Variants in KIAA0825 observed in about 807,000 individuals in gnomAD.
KIAA0825 encodes uncharacterized protein KIAA0825.
In KIAA0825, 119 loss-of-function variants were observed where a neutral mutation model predicts 147.6. The observed-to-expected ratio is 0.81, with a 90% CI of 0.69 to 0.94. KIAA0825 has a LOEUF of 0.94. Among genes scored for constraint, KIAA0825 ranks in the 40% least tolerant of loss-of-function variants. KIAA0825 has a pLI of 0.00. For synonymous variants in KIAA0825, 470 were observed against 518.1 expected (o/e 0.91, Z 1.26); for missense variants, 1,381 against 1,472.7 (o/e 0.94, Z 1.02).
intron 16 of KIAA0825, among the ~76,000 whole-genome samples, chr5:94,398,324 AT>A (rs1750940743): frequency 6.6e-6 from 1 of 152,148 alleles, no homozygotes; most frequent in African/African-American, 2.4e-5. Flanking sequence ...CTGTTATAAG[AT>A]CAGTCTCTTG....
chr5:94,236,410 G>A (rs1157149569), intron 20 of KIAA0825, among the ~76,000 whole-genome samples: 3 of 152,194 alleles, frequency 2.0e-5, no homozygotes, highest in East Asian at 3.8e-4. Flanking sequence ...TCATGATAAA[G>A]CTTGAAAAGA....
intron 20 of KIAA0825, among the ~76,000 whole-genome samples, chr5:94,354,196 T>C (rs11957184): frequency 1.2e-4 from 18 of 152,324 alleles, no homozygotes; most frequent in African/African-American, 3.8e-4. Flanking sequence ...CAGGAGAACA[T>C]TGGCCATATA....
intron 20 of KIAA0825, among the ~76,000 whole-genome samples, chr5:94,268,100 C>A (rs777059818): frequency 1.3e-5 from 2 of 151,944 alleles, no homozygotes; most frequent in African/African-American, 4.8e-5. Context: ...CAAGATTATT[C>A]GTTTAAAATT....
At position 94,471,744 on chromosome 5, in the gene KIAA0825, A is replaced by G; in HGVS notation, c.1456-13T>C. ...TGTCAGAACAAAACTAGGGAGAAAT[A>G]AATGTGGCACTGAGTTATTTGTATT... is the stretch of plus-strand genomic sequence containing the variant. On this transcript the variant is annotated splice_polypyrimidine_tract_variant and intron_variant, in intron 8 of 20. Coordinates refer to ENST00000682413, the MANE Select transcript of KIAA0825 (RefSeq NM_001145678.3). 5.2e-6 allele frequency: 8 copies of G among 1,551,714 alleles called. No homozygotes were observed. In the Middle Eastern group the frequency reaches 5.0e-4, roughly 97 times the overall value.
At chr5:94,238,942 A>G (rs967188496) in intron 20 of KIAA0825, among the ~76,000 whole-genome samples, 2 of 152,208 alleles carry the variant, frequency 1.3e-5, no homozygotes, top group Non-Finnish European at 2.9e-5. Flanking sequence ...TTGTGCCACT[A>G]TATAACATAA....
At chr5:94,190,491 ATTTTTTTTT>A (rs70975895) in intron 20 of KIAA0825, among the ~76,000 whole-genome samples, 9 of 106,276 alleles carry the variant, frequency 8.5e-5, no homozygotes, top group East Asian at 2.8e-4. Flanking sequence ...ACGCCCAGCT[ATTTTTTTTT>A]TTTTTTTTTT....
intron 20 of KIAA0825, among the ~76,000 whole-genome samples, chr5:94,299,990 T>C (rs1778315338): frequency 6.6e-6 from 1 of 152,052 alleles, no homozygotes; most frequent in Non-Finnish European, 1.5e-5. Flanking sequence ...GTTATATATA[T>C]ATAAATTTCC....
intron 20 of KIAA0825, among the ~76,000 whole-genome samples, chr5:94,272,889 G>T (rs1221762347): frequency 6.6e-6 from 1 of 152,214 alleles, no homozygotes; most frequent in Non-Finnish European, 1.5e-5. Flanking sequence ...ATAATTCATA[G>T]GAAAAGGCCT....
chr5:94,255,510 C>T (rs938615624), intron 20 of KIAA0825, among the ~76,000 whole-genome samples: 5 of 151,866 alleles, frequency 3.3e-5, no homozygotes, highest in East Asian at 3.9e-4. Context: ...AATGGAGATA[C>T]GGTGTTGTGT....
intron 14 of KIAA0825, 72 bp downstream of exon 14, chr5:94,439,910 G>T: frequency 6.9e-7 from 1 of 1,450,158 alleles, no homozygotes; most frequent in South Asian, 1.4e-5. Context: ...TGTTTGCCTA[G>T]GAAAAAAATG....
chr5:94,298,332 A>C (rs987032294), intron 20 of KIAA0825, among the ~76,000 whole-genome samples: 1 of 152,054 alleles, frequency 6.6e-6, no homozygotes, highest in African/African-American at 2.4e-5. Context: ...CTTAAATAGG[A>C]GCCTTAGACA....
chr5:94,345,369 T>C (rs1782871987), intron 20 of KIAA0825, among the ~76,000 whole-genome samples: 1 of 152,152 alleles, frequency 6.6e-6, no homozygotes. Context: ...TACATGTTCC[T>C]AGAAAGAAAA....
At chr5:94,213,307 A>G (rs1772902406) in intron 20 of KIAA0825, among the ~76,000 whole-genome samples, 1 of 152,150 alleles carries the variant, frequency 6.6e-6, no homozygotes, top group African/African-American at 2.4e-5. Flanking sequence ...TCTACTATAT[A>G]ATAAATATCT....
chr5:94,391,765 G>T, intron 17 of KIAA0825, 71 bp from the exon 18 acceptor site: 1 of 1,202,052 alleles, frequency 8.3e-7, no homozygotes, highest in Non-Finnish European at 1.1e-6. Flanking sequence ...CATGGAGATG[G>T]AGTGTGGAGA....
rs534347768 is a variant in KIAA0825 at position 94,167,095 on chromosome 5, A to G, written c.3711-12971T>C. 1.4e-4 allele frequency among the ~76,000 whole-genome samples: 21 copies of G among 152,242 alleles called. No homozygotes were observed. In the South Asian group the frequency reaches 4.3e-3, roughly 32 times the overall value. On this transcript the variant is annotated intron_variant, in intron 20 of 20. Coordinates refer to ENST00000682413, the MANE Select transcript of KIAA0825 (RefSeq NM_001145678.3). Reference sequence around the variant, plus strand: ...CCCCCTCCTCACCCCAAGAAAAACCATAGGATTAACGTCAGTTTCTTCCCT... The same window carrying G: ...CCCCCTCCTCACCCCAAGAAAAACCGTAGGATTAACGTCAGTTTCTTCCCT...
At chr5:94,444,159 T>A (rs1024223418) in intron 13 of KIAA0825, among the ~76,000 whole-genome samples, 10 of 152,192 alleles carry the variant, frequency 6.6e-5, no homozygotes, top group African/African-American at 2.4e-4. Flanking sequence ...TTGTGCTTTC[T>A]ATCGCAATAA....
intron 20 of KIAA0825, among the ~76,000 whole-genome samples, chr5:94,205,268 CATATATATAT>C (rs5869623): frequency 6.9e-4 from 62 of 90,294 alleles, no homozygotes; most frequent in African/African-American, 1.0e-3. Context: ...ACTATTTAAT[CATATATATAT>C]ATATATATAT....
At chr5:94,442,525 A>G (rs892460753) in intron 13 of KIAA0825, among the ~76,000 whole-genome samples, 4 of 152,158 alleles carry the variant, frequency 2.6e-5, no homozygotes, top group Non-Finnish European at 5.9e-5. Flanking sequence ...CTTTTGCAGT[A>G]GTTCCAAATG....
rs1767915023 is a variant in KIAA0825 at position 94,520,267 on chromosome 5, T to C, written c.951A>G (p.Arg317=). 1.9e-6 allele frequency: 3 copies of C among 1,611,922 alleles called. No homozygotes were observed. The highest frequency in any genetic ancestry group is 2.5e-6 in the Non-Finnish European group (3 of 1,178,982). The part of the protein sequence containing the change: ...VKTSKSSSKH[R]GAVHALVTTE... Reference sequence around the variant, plus strand: ...ACTAACCCAAAGCATGCACTGCTCCTCTATGCTTGCTGGAGCTCTTGCTTG... The same window carrying C: ...ACTAACCCAAAGCATGCACTGCTCCCCTATGCTTGCTGGAGCTCTTGCTTG... Residue 317 remains arginine (R), a synonymous_variant, in exon 5 of 21, where the codon AGA becomes AGG. Coordinates refer to ENST00000682413, the MANE Select transcript of KIAA0825 (RefSeq NM_001145678.3).
Sources: allele counts gnomAD v4.1 joint callset (sites outside exome capture counted in the v4.1 genomes callset), GRCh38; gene constraint gnomAD v4.1.1; transcripts MANE v1.5; gene names NCBI Gene and HGNC (gene_info 2026-07-23, HGNC 2026-07-21).